The following SDK1 variants were observed in gnomAD, a reference collection of about 807,000 sequenced individuals.
The protein encoded by SDK1 is sidekick cell adhesion molecule 1.
A neutral mutation model predicts 245.5 loss-of-function variants in SDK1; 157 were observed. That is an observed-to-expected ratio of 0.64 (90% CI 0.56 to 0.73). The LOEUF is 0.73. Ranked by LOEUF, SDK1 falls within the 30% of genes least tolerant of loss-of-function variation. SDK1 has a pLI of 0.00. For missense variants in SDK1, 3,583 were observed against 3,002.3 expected (o/e 1.19, Z -4.52); for synonymous variants, 1,647 against 1,278.5 (o/e 1.29, Z -6.15).
At chr7:3,906,115 A>AT (rs781198551) in intron 5 of SDK1, among the ~76,000 whole-genome samples, 2 of 151,056 alleles carry the variant, frequency 1.3e-5, no homozygotes, top group Non-Finnish European at 1.5e-5. Context: ...TCATTCAGTT[A>AT]TTTTCTCTTT....
chr7:3,596,005 ACATTT>A (rs1461869252), intron 1 of SDK1, among the ~76,000 whole-genome samples: 1 of 151,202 alleles, frequency 6.6e-6, no homozygotes, highest in Non-Finnish European at 1.5e-5. Context: ...CGTTGTGAGA[ACATTT>A]CAGATAGTAT....
chr7:3,615,505 T>C (rs991784200), intron 1 of SDK1, among the ~76,000 whole-genome samples: 1 of 151,744 alleles, frequency 6.6e-6, no homozygotes, highest in African/African-American at 2.4e-5. Flanking sequence ...CATCTAACAC[T>C]TTACTGCTTA....
chr7:3,578,600 A>G lies in SDK1; in HGVS notation c.299-40480A>G, dbSNP rs191727781. The stretch of plus-strand genomic sequence containing the variant: ...TCAACCGCATAAGACAGACACTCCC[A>G]CAGCAGCCGTTTATAGACCACCCCC... On this transcript the variant is annotated intron_variant, in intron 1 of 44. Transcript: ENST00000404826. 2.0e-3 allele frequency among the ~76,000 whole-genome samples: 298 copies of G among 152,044 alleles called. 1 individual carries two copies. Among genetic ancestry groups the G allele is most frequent in the African/African-American group, 6.8e-3 (282 of 41,518 alleles).
chr7:4,208,149 C>A lies in SDK1; in HGVS notation c.5265C>A (p.Val1755=). 1.2e-6 allele frequency: 2 copies of A among 1,614,040 alleles called. No homozygotes were observed. The highest frequency in any genetic ancestry group is 1.1e-5 in the South Asian group (1 of 91,070). The change falls in exon 37 of 45, where the codon GTC becomes GTA. Residue 1755 remains valine (V), a synonymous_variant. Transcript: ENST00000404826. ...DSQNETEKMK[V]LFLPEPVVRL... is the part of the protein sequence containing the mutation. ...AGAACGAAACGGAGAAAATGAAGGTCCTCTTCCTCCCCGAGCCCGTGGTGA... is the reference window on the plus strand; with the variant it reads ...AGAACGAAACGGAGAAAATGAAGGTACTCTTCCTCCCCGAGCCCGTGGTGA...
intron 1 of SDK1, among the ~76,000 whole-genome samples, chr7:3,497,400 A>T (rs1562522963): frequency 6.6e-6 from 1 of 152,144 alleles, no homozygotes; most frequent in Admixed American, 6.5e-5. Flanking sequence ...GATGATGTTT[A>T]TCAGTCTTTT....
chr7:3,964,373 G>A (rs1424090724), intron 9 of SDK1, among the ~76,000 whole-genome samples: 2 of 152,198 alleles, frequency 1.3e-5, no homozygotes, highest in African/African-American at 4.8e-5. Flanking sequence ...TTGAGGAGAA[G>A]TAGAAAAAAC....
chr7:3,510,921 G>T (rs1782557193), intron 1 of SDK1, among the ~76,000 whole-genome samples: 2 of 152,196 alleles, frequency 1.3e-5, no homozygotes, highest in African/African-American at 4.8e-5. Context: ...AAAATATTTT[G>T]ATTTCCTTCC....
At chr7:3,640,149 G>C (rs780946902) in intron 3 of SDK1, among the ~76,000 whole-genome samples, 9 of 152,032 alleles carry the variant, frequency 5.9e-5, no homozygotes, top group Non-Finnish European at 1.2e-4. Flanking sequence ...GAGTGAGCTT[G>C]GCTTGTTTTA....
intron 30 of SDK1, among the ~76,000 whole-genome samples, chr7:4,153,173 A>G (rs896888837): frequency 2.6e-5 from 4 of 151,304 alleles, no homozygotes; most frequent in Non-Finnish European, 4.4e-5. Flanking sequence ...GGGAATGAGC[A>G]TGGAAAACAG....
At chr7:3,815,758 A>G (rs1245402576) in intron 4 of SDK1, among the ~76,000 whole-genome samples, 1 of 151,702 alleles carries the variant, frequency 6.6e-6, no homozygotes, top group Non-Finnish European at 1.5e-5. Flanking sequence ...ATAGACATCT[A>G]CAGAACTCTC....
intron 1 of SDK1, among the ~76,000 whole-genome samples, chr7:3,590,300 CTTTTTTTTTTT>C (rs200303832): frequency 1.0e-5 from 1 of 96,126 alleles, no homozygotes; most frequent in Admixed American, 1.3e-4. Flanking sequence ...TTTCCTGTTC[CTTTTTTTTTTT>C]TTTTTTTTTT....
chr7:3,974,428 T>C lies in SDK1; in HGVS notation c.1877T>C (p.Val626Ala). ...CCATCGAGCACGTCTAGGATCGTGG[T>C]GGAGAAGGACGGGTCCCTTCTCATC... is the stretch of plus-strand genomic sequence containing the variant. Reference protein sequence around the residue: ...LTPSSTSRIVVEKDGSLLISQ... With the variant: ...LTPSSTSRIVAEKDGSLLISQ... Residue 626 changes from valine (V) to alanine (A), a missense_variant, in exon 13 of 45, where the codon GTG becomes GCG. Coordinates refer to ENST00000404826, the MANE Select transcript of SDK1 (RefSeq NM_152744.4). The C allele has an allele frequency of 6.2e-7, 1 of 1,614,094 alleles. No homozygotes were observed. The highest frequency in any genetic ancestry group is 8.5e-7 in the Non-Finnish European group (1 of 1,179,998).
intron 35 of SDK1, among the ~76,000 whole-genome samples, chr7:4,194,468 G>C (rs74461641): frequency 8.7e-6 from 1 of 115,044 alleles, no homozygotes; most frequent in African/African-American, 3.4e-5. Flanking sequence ...ATGTGTGTGT[G>C]TATATATATA....
At chr7:4,077,322 G>A (rs1780750705) in intron 21 of SDK1, 133 bp downstream of exon 21, 1 of 828,498 alleles carries the variant, frequency 1.2e-6, no homozygotes, top group East Asian at 2.7e-5. Context: ...CTGCCAAGAT[G>A]CTGGAGGGTA....
At chr7:3,668,542 G>A (rs897407513) in intron 4 of SDK1, among the ~76,000 whole-genome samples, 17 of 152,186 alleles carry the variant, frequency 1.1e-4, no homozygotes, top group Non-Finnish European at 2.2e-4. Context: ...TTGGGAGGCC[G>A]AGGCAGGCAG....
chr7:3,980,351 G>C (rs1238290201), intron 13 of SDK1, among the ~76,000 whole-genome samples: 1 of 152,168 alleles, frequency 6.6e-6, no homozygotes, highest in African/African-American at 2.4e-5. Context: ...GCCTGACGGT[G>C]GTTTTCCCCC....
At chr7:4,135,646 C>G (rs1032284329) in intron 28 of SDK1, among the ~76,000 whole-genome samples, 1 of 152,192 alleles carries the variant, frequency 6.6e-6, no homozygotes, top group Non-Finnish European at 1.5e-5. Flanking sequence ...TGAATTTATG[C>G]GTGTTTCTTA....
intron 41 of SDK1, among the ~76,000 whole-genome samples, chr7:4,237,194 T>C (rs1032448735): frequency 1.3e-5 from 2 of 152,050 alleles, no homozygotes; most frequent in Non-Finnish European, 2.9e-5. Context: ...GCCTGGCTGT[T>C]TTTTTGTTTT....
intron 1 of SDK1, among the ~76,000 whole-genome samples, chr7:3,504,036 G>T (rs1430354943): frequency 2.0e-5 from 3 of 151,896 alleles, no homozygotes; most frequent in African/African-American, 7.3e-5. Flanking sequence ...TGTAGTCTCA[G>T]CTACTCGGGA....
Sources: allele counts gnomAD v4.1 joint callset (sites outside exome capture counted in the v4.1 genomes callset), GRCh38; gene constraint gnomAD v4.1.1; transcripts MANE v1.5; gene names NCBI Gene and HGNC (gene_info 2026-07-23, HGNC 2026-07-21).